Variants in WWOX observed in about 807,000 individuals in gnomAD.
WWOX encodes WW domain-containing oxidoreductase.
In WWOX, 69 loss-of-function variants were observed where a neutral mutation model predicts 46.2. The observed-to-expected ratio is 1.49, with a 90% confidence interval of 1.23 to 1.82. The LOEUF (loss-of-function observed/expected upper bound fraction) is 1.82, where lower values mean the gene tolerates loss of function less well. Among genes scored for constraint, WWOX ranks in the 40% most tolerant of loss-of-function variants. WWOX has a pLI of 0.00. For missense variants in WWOX, 919 were observed against 542.6 expected (o/e 1.69, Z -6.89); for synonymous variants, 359 against 202.6 (o/e 1.77, Z -6.56).
chr16:79,193,458 G>A (rs1162374554), intron 8 of WWOX, among the ~76,000 whole-genome samples: 2 of 152,138 alleles, frequency 1.3e-5, no homozygotes, highest in South Asian at 2.1e-4. Flanking sequence ...CTTTGCCACC[G>A]GGCAGTACTG....
chr16:79,165,378 C>T (rs2050573758), intron 8 of WWOX, among the ~76,000 whole-genome samples: 3 of 152,222 alleles, frequency 2.0e-5, no homozygotes, highest in South Asian at 4.1e-4. Flanking sequence ...GCTTTAGAGC[C>T]AGACATGGAA....
chr16:78,389,261 C>G (rs566717102), intron 6 of WWOX, among the ~76,000 whole-genome samples: 1 of 152,348 alleles, frequency 6.6e-6, no homozygotes, highest in African/African-American at 2.4e-5. Context: ...CATTTGTTCG[C>G]TGATTTGCTT....
At chr16:78,877,256 C>T (rs1314350397) in intron 8 of WWOX, among the ~76,000 whole-genome samples, 2 of 151,652 alleles carry the variant, frequency 1.3e-5, no homozygotes. Context: ...GGACACCAAA[C>T]CCTCTGTATG....
chr16:78,491,181 T>C (rs2084776562), intron 8 of WWOX, among the ~76,000 whole-genome samples: 1 of 152,182 alleles, frequency 6.6e-6, no homozygotes, highest in Non-Finnish European at 1.5e-5. Flanking sequence ...TGGCCTCATA[T>C]CTTCCACAAA....
intron 8 of WWOX, among the ~76,000 whole-genome samples, chr16:78,974,941 C>T (rs1386211361): frequency 6.6e-6 from 1 of 152,164 alleles, no homozygotes; most frequent in African/African-American, 2.4e-5. Context: ...TTTAATGAGG[C>T]CTCTCCGGAC....
At chr16:78,352,734 G>C (rs973620934) in intron 5 of WWOX, among the ~76,000 whole-genome samples, 2 of 152,168 alleles carry the variant, frequency 1.3e-5, no homozygotes, top group Non-Finnish European at 2.9e-5. Flanking sequence ...TATTGGGGTA[G>C]AGGGCATTCC....
chr16:78,207,914 G>A (rs938937753), intron 5 of WWOX, among the ~76,000 whole-genome samples: 7 of 152,082 alleles, frequency 4.6e-5, no homozygotes, highest in African/African-American at 1.7e-4. Context: ...CTGGGCTCAA[G>A]CAATCCTCCT....
chr16:78,591,253 A>T (rs1344292004), intron 8 of WWOX, among the ~76,000 whole-genome samples: 4 of 152,220 alleles, frequency 2.6e-5, no homozygotes, highest in African/African-American at 7.2e-5. Flanking sequence ...CCTCTTGGGA[A>T]CAAGGGAACC....
chr16:78,647,415 A>T (rs1032566328), intron 8 of WWOX, among the ~76,000 whole-genome samples: 2 of 152,078 alleles, frequency 1.3e-5, no homozygotes, highest in Non-Finnish European at 2.9e-5. Context: ...CCAGGTTTCT[A>T]TCATTACACA....
At chr16:78,626,591 T>G (rs906188391) in intron 8 of WWOX, among the ~76,000 whole-genome samples, 2 of 152,176 alleles carry the variant, frequency 1.3e-5, no homozygotes, top group Admixed American at 1.3e-4. Flanking sequence ...ATTCACCTGG[T>G]CAAGGTAGTG....
At chr16:78,640,491 C>T (rs985265710) in intron 8 of WWOX, among the ~76,000 whole-genome samples, 1 of 152,052 alleles carries the variant, frequency 6.6e-6, no homozygotes, top group Admixed American at 6.5e-5. Context: ...GGTTCCTGTA[C>T]TGCATGAAGC....
chr16:79,203,238 C>A (rs116535282), intron 8 of WWOX: 1 of 152,160 alleles, frequency 6.6e-6, no homozygotes, highest in Non-Finnish European at 1.5e-5. Context: ...AAATGAGACA[C>A]TCTCCACAGT....
intron 8 of WWOX, among the ~76,000 whole-genome samples, chr16:78,556,427 G>A (rs1239641427): frequency 1.3e-5 from 2 of 152,128 alleles, no homozygotes; most frequent in East Asian, 3.9e-4. Context: ...CAGAGCACGG[G>A]GAACGGTCAG....
At chr16:78,964,701 G>A (rs991347943) in intron 8 of WWOX, among the ~76,000 whole-genome samples, 4 of 152,212 alleles carry the variant, frequency 2.6e-5, no homozygotes, top group African/African-American at 7.2e-5. Context: ...AAGACCATGA[G>A]GAAAATGTCT....
At chr16:78,904,644 T>C (rs918734552) in intron 8 of WWOX, among the ~76,000 whole-genome samples, 1 of 152,122 alleles carries the variant, frequency 6.6e-6, no homozygotes, top group African/African-American at 2.4e-5. Context: ...GACCACATAA[T>C]TTATCATCCA....
At chr16:78,632,132 A>G (rs74809555) in intron 8 of WWOX, among the ~76,000 whole-genome samples, 6,930 of 152,264 alleles carry the variant, frequency 0.046, 573 homozygotes, top group African/African-American at 0.16. Context: ...ACTTGAGATC[A>G]AGAGTCAGAA....
At chr16:78,946,208 C>T (rs1273712448) in intron 8 of WWOX, among the ~76,000 whole-genome samples, 2 of 152,042 alleles carry the variant, frequency 1.3e-5, no homozygotes, top group South Asian at 2.1e-4. Context: ...TTTTTGTTTT[C>T]GAGACTGAGT....
At chr16:78,293,705 C>A (rs536762197) in intron 5 of WWOX, among the ~76,000 whole-genome samples, 1 of 152,046 alleles carries the variant, frequency 6.6e-6, no homozygotes. Context: ...TGGCTGGGTG[C>A]GGTGCCTCAG....
chr16:78,696,269 C>A (rs138976112), intron 8 of WWOX, among the ~76,000 whole-genome samples: 238 of 152,252 alleles, frequency 1.6e-3, no homozygotes, highest in African/African-American at 2.9e-3. Context: ...TGCCACATCA[C>A]GGGATTTTCT....
Sources: allele counts gnomAD v4.1 joint callset (sites outside exome capture counted in the v4.1 genomes callset), GRCh38; gene constraint gnomAD v4.1.1; transcripts MANE v1.5; gene names NCBI Gene and HGNC (gene_info 2026-07-23, HGNC 2026-07-21).